PGM1: variants seen among roughly 807,000 people sequenced by gnomAD.
PGM1 encodes phosphoglucomutase 1.
Under a neutral mutation model 55.6 loss-of-function variants are expected in PGM1, and 52 were observed. The ratio of observed to expected loss-of-function variants is 0.94; its 90% confidence interval spans 0.75 to 1.18. The LOEUF is 1.18. PGM1 is among the 50% of genes most tolerant of loss of function. The pLI is 0.00. For synonymous variants in PGM1, 287 were observed against 271.7 expected (o/e 1.06, Z -0.55); for missense variants, 724 against 729.3 (o/e 0.99, Z 0.08).
At chr1:63,631,978 C>T (rs1490329914) in intron 4 of PGM1, among the ~76,000 whole-genome samples, 196 bp downstream of exon 4, 1 of 152,162 alleles carries the variant, frequency 6.6e-6, no homozygotes, top group Non-Finnish European at 1.5e-5. Flanking sequence ...AGACACTCCT[C>T]GTGGTAAGCT....
intron 1 of PGM1, among the ~76,000 whole-genome samples, chr1:63,627,989 A>G (rs891219778): frequency 1.3e-5 from 2 of 152,154 alleles, no homozygotes; most frequent in East Asian, 3.9e-4. Flanking sequence ...TGTCTGCCAT[A>G]GTACCTTTCC....
At chr1:63,603,916 T>C (rs982509536) in intron 1 of PGM1, among the ~76,000 whole-genome samples, 1 of 152,228 alleles carries the variant, frequency 6.6e-6, no homozygotes, top group Non-Finnish European at 1.5e-5. Flanking sequence ...AAGTTCTATA[T>C]ACAACAGTTA....
Position 63,659,604 on chromosome 1 carries a change from A to C in PGM1, c.1618A>C (p.Ile540Leu). Residue 540 changes from isoleucine (I) to leucine (L), a missense_variant, in exon 11 of 11, where the codon ATT becomes CTT. By Grantham distance (5) the Ile-to-Leu change is conservative. This residue lies in a region of PGM1 where 316 missense variants were observed against 313.1 expected (regional missense o/e 1.01). Transcript: ENST00000371084. ...TCCTCAGGTCATGTTGGCCCCCCTTATTTCCATTGCTCTGAAAGTGTCCCA... is the reference window on the plus strand; with the variant it reads ...TCCTCAGGTCATGTTGGCCCCCCTTCTTTCCATTGCTCTGAAAGTGTCCCA... ...QDPQVMLAPLISIALKVSQLQ... is the reference protein window; with the variant it reads ...QDPQVMLAPLLSIALKVSQLQ... 6.2e-7 allele frequency: 1 copy of C among 1,613,794 alleles called. No individual in the cohort carries two copies. The highest frequency in any genetic ancestry group is 8.5e-7 in the Non-Finnish European group (1 of 1,179,868).
intron 7 of PGM1, among the ~76,000 whole-genome samples, chr1:63,646,870 T>G (rs1649657567): frequency 6.6e-6 from 1 of 152,226 alleles, no homozygotes; most frequent in Non-Finnish European, 1.5e-5. Context: ...CTTGGCCTGT[T>G]TTTCTATTGA....
intron 1 of PGM1, among the ~76,000 whole-genome samples, chr1:63,610,800 C>T (rs1648544270): frequency 6.6e-6 from 1 of 152,042 alleles, no homozygotes; most frequent in Non-Finnish European, 1.5e-5. Context: ...TTCTGTATAA[C>T]TTTAGGTTTT....
intron 1 of PGM1, among the ~76,000 whole-genome samples, chr1:63,619,562 G>A (rs890392707): frequency 6.6e-6 from 1 of 152,168 alleles, no homozygotes; most frequent in African/African-American, 2.4e-5. Context: ...GCCATTCAAG[G>A]CATCACTGCC....
At chr1:63,623,265 G>T in intron 1 of PGM1, 1 of 1,422,116 alleles carries the variant, frequency 7.0e-7, no homozygotes, top group Non-Finnish European at 9.1e-7. Context: ...TGGGTGTGTG[G>T]CCCTTAACTT....
intron 9 of PGM1, 117 bp from the exon 10 acceptor site, chr1:63,654,215 T>A: frequency 1.9e-6 from 2 of 1,037,900 alleles, no homozygotes; most frequent in Non-Finnish European, 3.0e-6. Context: ...TATCAAGGAT[T>A]TAACCCTCCA....
Position 63,593,587 on chromosome 1 carries a change from C to T in PGM1, c.99C>T (p.Ala33=), listed in dbSNP as rs373394538. ...RKRVKVFQSS[A]NYAENFIQSI... ...GGGTGAAGGTGTTCCAGAGCAGCGCCAACTACGCGGAGAACTTCATCCAGA... is the reference window on the plus strand; with the variant it reads ...GGGTGAAGGTGTTCCAGAGCAGCGCTAACTACGCGGAGAACTTCATCCAGA... Residue 33 remains alanine (A), a synonymous_variant, in exon 1 of 11, where the codon GCC becomes GCT. Coordinates refer to ENST00000371084, the MANE Select transcript of PGM1 (RefSeq NM_002633.3). 6.8e-5 allele frequency: 110 copies of T among 1,613,588 alleles called. No homozygotes were observed. Among genetic ancestry groups the T allele is most frequent in the Non-Finnish European group, 8.2e-5 (97 of 1,179,926 alleles).
At chr1:63,642,506 T>C (rs1649543350) in intron 7 of PGM1, among the ~76,000 whole-genome samples, 1 of 152,212 alleles carries the variant, frequency 6.6e-6, no homozygotes, top group Non-Finnish European at 1.5e-5. Context: ...TTATACACAA[T>C]GGTAGAGGGC....
chr1:63,599,348 T>G (rs950721328), intron 1 of PGM1, among the ~76,000 whole-genome samples: 18 of 152,078 alleles, frequency 1.2e-4, no homozygotes, highest in Admixed American at 2.6e-4. Context: ...GTATTTTTAG[T>G]AGAAACGAGG....
At chr1:63,650,355 C>T (rs1224062594) in intron 8 of PGM1, among the ~76,000 whole-genome samples, 2 of 152,198 alleles carry the variant, frequency 1.3e-5, no homozygotes, top group East Asian at 3.8e-4. Flanking sequence ...CCAGACTCTT[C>T]TATTCCACCC....
At chr1:63,607,875 T>C (rs1648465782) in intron 1 of PGM1, among the ~76,000 whole-genome samples, 1 of 152,216 alleles carries the variant, frequency 6.6e-6, no homozygotes, top group Non-Finnish European at 1.5e-5. Context: ...TGCCTCATTT[T>C]TCACCTAAAG....
chr1:63,638,524 A>T (rs1284373490), intron 6 of PGM1, among the ~76,000 whole-genome samples, 161 bp from the exon 7 acceptor site: 1 of 152,134 alleles, frequency 6.6e-6, no homozygotes, highest in Non-Finnish European at 1.5e-5. Context: ...CATTGTGCAC[A>T]AGGTTTCTCT....
Position 63,645,250 on chromosome 1 carries a change from A to G in PGM1, c.1145-3267A>G, listed in dbSNP as rs534026337. Among the ~76,000 whole-genome samples the G allele has an allele frequency of 4.6e-5, 7 of 152,382 alleles. No homozygotes were observed. The South Asian group carries it at 1.2e-3, about 27-fold the overall frequency. On this transcript the variant is annotated intron_variant, in intron 7 of 10. Coordinates refer to ENST00000371084, the MANE Select transcript of PGM1 (RefSeq NM_002633.3). ...TTAGTTATCTCCAAGTAACTTGGCC[A>G]GAGTTGGGTAAGATTTTTAGATTTT...
chr1:63,625,917 CA>C (rs1252194408), intron 1 of PGM1, among the ~76,000 whole-genome samples: 1 of 152,148 alleles, frequency 6.6e-6, no homozygotes, highest in East Asian at 1.9e-4. Flanking sequence ...GAGGTAAGAG[CA>C]GGACCCATGT....
intron 7 of PGM1, among the ~76,000 whole-genome samples, chr1:63,644,058 C>T (rs1192059900): frequency 6.6e-6 from 1 of 152,226 alleles, no homozygotes; most frequent in African/African-American, 2.4e-5. Context: ...GCCAGGACAG[C>T]TCCTGAGATG....
At chr1:63,623,447 G>C (rs770844039) in intron 1 of PGM1, 3 of 1,609,104 alleles carry the variant, frequency 1.9e-6, no homozygotes, top group Admixed American at 1.7e-5. Flanking sequence ...TGAGCCAGTC[G>C]GTGGAAGTGA....
At position 63,595,959 on chromosome 1, in the gene PGM1, G is replaced by A. The variant is rs537102535; in HGVS notation, c.246+2225G>A. Among the ~76,000 whole-genome samples, 7 of 152,162 alleles carry A rather than the reference G, an allele frequency of 4.6e-5. No homozygotes were observed. The South Asian group carries it at 6.2e-4, about 14-fold the overall frequency. On this transcript the variant is annotated intron_variant, in intron 1 of 10. Transcript: ENST00000371084. Reference sequence around the variant, plus strand: ...TTCACTATTTCTCATTCTCACCTCCGGTTTACTCGCCATTTCACTGCTTCT... The same window carrying A: ...TTCACTATTTCTCATTCTCACCTCCAGTTTACTCGCCATTTCACTGCTTCT...
Sources: gnomAD v4.1 joint callset for allele counts (sites outside exome capture counted in the v4.1 genomes callset) on GRCh38, gnomAD v4.1.1 for gene constraint, gnomAD v4.1.1 regional missense constraint, MANE v1.5 for transcripts, NCBI Gene and HGNC (gene_info 2026-07-23, HGNC 2026-07-21) for gene names.